PDZD8: variants seen among roughly 807,000 people sequenced by gnomAD.
PDZD8 encodes PDZ domain-containing protein 8.
In PDZD8, 14 loss-of-function variants were observed where a neutral mutation model predicts 85.8. The ratio of observed to expected loss-of-function variants is 0.16; its 90% confidence interval spans 0.11 to 0.26. PDZD8 has a LOEUF of 0.26. Ranked by LOEUF, PDZD8 falls within the 10% of genes least tolerant of loss-of-function variation. PDZD8 has a pLI of 1.00. For synonymous variants in PDZD8, 592 were observed against 568.6 expected, an observed-to-expected ratio of 1.04 and a Z score of -0.59; for missense variants, 1,197 against 1,424.3, an observed-to-expected ratio of 0.84 and a Z score of 2.57.
chr10:117,372,582 A>G (rs1845212791), intron 1 of PDZD8, among the ~76,000 whole-genome samples: 2 of 152,214 alleles, frequency 1.3e-5, no homozygotes, highest in Non-Finnish European at 2.9e-5. Context: ...TTTTTTGGCA[A>G]CACACTGCTA....
At chr10:117,318,764 C>A in intron 3 of PDZD8, 108 bp downstream of exon 3, 2 of 713,408 alleles carry the variant, frequency 2.8e-6, no homozygotes, top group Admixed American at 2.7e-5. Flanking sequence ...CTGTTCATAG[C>A]TATTTGCACA....
Position 117,338,715 on chromosome 10 carries a change from C to T in PDZD8, c.995+2265G>A, listed in dbSNP as rs983349296. On this transcript the variant is annotated intron_variant, in intron 2 of 4. Transcript: ENST00000334464. Reference sequence around the variant, plus strand: ...GTTGGTTACAGGTACTTCACACATTCTAATGCTTTTCTTTTCATTTATCTC... The same window carrying T: ...GTTGGTTACAGGTACTTCACACATTTTAATGCTTTTCTTTTCATTTATCTC... 3.3e-5 allele frequency among the ~76,000 whole-genome samples: 5 copies of T among 152,272 alleles called. No individual in the cohort carries two copies. In the East Asian group the frequency reaches 9.6e-4, roughly 29 times the overall value.
intron 2 of PDZD8, among the ~76,000 whole-genome samples, chr10:117,332,759 G>T (rs1050136682): frequency 6.6e-6 from 1 of 150,792 alleles, no homozygotes; most frequent in Non-Finnish European, 1.5e-5. Flanking sequence ...CACCCACCTC[G>T]GCCTCCCAAA....
chr10:117,336,556 ATAG>A (rs1211021292), intron 2 of PDZD8, among the ~76,000 whole-genome samples: 1 of 152,108 alleles, frequency 6.6e-6, no homozygotes, highest in African/African-American at 2.4e-5. Context: ...CTTTGGAAAA[ATAG>A]TTGTTCTGGG....
chr10:117,310,929 T>C (rs1844026353), intron 3 of PDZD8, among the ~76,000 whole-genome samples: 1 of 152,210 alleles, frequency 6.6e-6, no homozygotes, highest in Non-Finnish European at 1.5e-5. Context: ...GTCTCAAATA[T>C]TCTTACTTGA....
intron 3 of PDZD8, among the ~76,000 whole-genome samples, chr10:117,313,996 T>C (rs1456382515): frequency 3.3e-5 from 5 of 152,178 alleles, no homozygotes; most frequent in African/African-American, 9.7e-5. Context: ...TACTAATTAT[T>C]TGAATACCAT....
At chr10:117,345,487 G>A (rs1374767091) in intron 1 of PDZD8, among the ~76,000 whole-genome samples, 1 of 152,118 alleles carries the variant, frequency 6.6e-6, no homozygotes, top group East Asian at 1.9e-4. Context: ...CTAGTGGGGG[G>A]GTAAGTGGGG....
At chr10:117,346,907 C>T (rs73391180) in intron 1 of PDZD8, among the ~76,000 whole-genome samples, 3,334 of 152,056 alleles carry the variant, frequency 0.022, 124 homozygotes, top group African/African-American at 0.076. Flanking sequence ...ATCCCCTGAG[C>T]CCTATGTATA....
chr10:117,283,551 T>G lies in PDZD8; in HGVS notation c.3182A>C (p.Glu1061Ala), dbSNP rs756743461. 9 of 1,614,118 alleles carry G rather than the reference T, an allele frequency of 5.6e-6. No homozygotes were observed. The highest frequency in any genetic ancestry group is 7.6e-6 in the Non-Finnish European group (9 of 1,180,042). The change falls in exon 5 of 5, where the codon GAA becomes GCA. Residue 1061 changes from glutamate to alanine, a missense_variant. Glu to Ala is a moderately radical substitution (Grantham distance 107, BLOSUM62 -1). Transcript: ENST00000334464. ...TTTCCTTGTATCAGTTGTCTCTTTT[T>G]CTTCTCTAACAAGGGAATTATTGTG... Reference protein sequence around the residue: ...LEHNNSLVREEKETTDTRKKS... With the variant: ...LEHNNSLVREAKETTDTRKKS...
In PDZD8 at chr10:117,318,859, A is replaced by G; in HGVS notation, c.1098+13T>C. ...ACTTTATATAGATATAAATCACTGTAAATCCATTTTACCGTCTTAATAGAA... is the reference window on the plus strand; with the variant it reads ...ACTTTATATAGATATAAATCACTGTGAATCCATTTTACCGTCTTAATAGAA... On this transcript the variant is annotated intron_variant, in intron 3 of 4. Coordinates refer to ENST00000334464, the MANE Select transcript of PDZD8 (RefSeq NM_173791.5). 6.5e-7 allele frequency: 1 copy of G among 1,527,854 alleles called. No homozygotes were observed. The highest frequency in any genetic ancestry group is 9.1e-7 in the Non-Finnish European group (1 of 1,104,026). 94.6% of individuals were successfully genotyped at this position (1,527,854 alleles called of 1,614,324 possible). A position where few individuals can be genotyped will look rare whatever the true frequency, so the allele number is the denominator to read the frequency against.
intron 3 of PDZD8, among the ~76,000 whole-genome samples, chr10:117,304,572 T>G (rs189518067): frequency 5.6e-4 from 86 of 152,252 alleles, no homozygotes; most frequent in African/African-American, 2.0e-3. Context: ...ATGGTTTGGC[T>G]GTGCCTCCAC....
At chr10:117,301,613 T>G (rs1843848891) in intron 3 of PDZD8, among the ~76,000 whole-genome samples, 1 of 152,208 alleles carries the variant, frequency 6.6e-6, no homozygotes, top group Admixed American at 6.5e-5. Flanking sequence ...GTCAGATCAA[T>G]TTGTTTATGG....
At chr10:117,348,147 C>G (rs1589583622) in intron 1 of PDZD8, among the ~76,000 whole-genome samples, 1 of 151,946 alleles carries the variant, frequency 6.6e-6, no homozygotes, top group Non-Finnish European at 1.5e-5. Context: ...AACCAATAAC[C>G]CTGCTACCCA....
intron 3 of PDZD8, among the ~76,000 whole-genome samples, chr10:117,318,067 T>C (rs1844160787): frequency 2.0e-5 from 3 of 152,198 alleles, no homozygotes; most frequent in Admixed American, 2.0e-4. Flanking sequence ...GGAATATCCA[T>C]AAAAATACTA....
At chr10:117,325,583 A>G (rs1317157749) in intron 2 of PDZD8, among the ~76,000 whole-genome samples, 1 of 151,566 alleles carries the variant, frequency 6.6e-6, no homozygotes, top group Non-Finnish European at 1.5e-5. Flanking sequence ...TTGTATGTTT[A>G]GCAGAGATGG....
intron 1 of PDZD8, among the ~76,000 whole-genome samples, chr10:117,349,820 A>T (rs1457779382): frequency 6.6e-6 from 1 of 152,092 alleles, no homozygotes; most frequent in African/African-American, 2.4e-5. Flanking sequence ...AAAAAATAAA[A>T]AAATAAAAAT....
Position 117,374,564 on chromosome 10 carries a change from G to A in PDZD8, c.664C>T (p.Leu222=), listed in dbSNP as rs1845256901. The A allele has an allele frequency of 1.2e-6, 2 of 1,600,512 alleles. No individual in the cohort carries two copies. The highest frequency in any genetic ancestry group is 1.7e-6 in the Non-Finnish European group (2 of 1,173,382). Residue 222 remains leucine, a synonymous_variant, in exon 1 of 5, where the codon CTG becomes TTG. Transcript: ENST00000334464. This position sits in a 1 kb window ranked among gnomAD's most constrained non-coding sequence, Gnocchi z 7.8. The part of the protein sequence containing the change: ...FGKSAYLFVK[L]SRVVGRLRLV... The stretch of plus-strand genomic sequence containing the variant: ...CGCAGCCTTCCCACCACGCGGGACA[G>A]CTTGACAAACAAGTAGGCGGACTTG...
chr10:117,339,403 T>C (rs1158694904), intron 2 of PDZD8, among the ~76,000 whole-genome samples: 3 of 152,084 alleles, frequency 2.0e-5, no homozygotes, highest in African/African-American at 4.8e-5. Flanking sequence ...CCAAGAAAGG[T>C]TGGCTTCATG....
chr10:117,355,664 T>TAC (rs1844881442), intron 1 of PDZD8, among the ~76,000 whole-genome samples: 1 of 152,112 alleles, frequency 6.6e-6, no homozygotes, highest in Non-Finnish European at 1.5e-5. Context: ...ACAGTGCTGT[T>TAC]ACAAGAATTG....
Sources: gnomAD v4.1 joint callset for allele counts (sites outside exome capture counted in the v4.1 genomes callset) on GRCh38, gnomAD v4.1.1 for gene constraint, Gnocchi (gnomAD v3.1) non-coding constraint, MANE v1.5 for transcripts, NCBI Gene and HGNC (gene_info 2026-07-23, HGNC 2026-07-21) for gene names.